The following ZNF804B variants were observed in gnomAD, a reference collection of about 807,000 sequenced individuals.
ZNF804B encodes zinc finger 804B.
Under a neutral mutation model 101.4 loss-of-function variants are expected in ZNF804B, and 80 were observed. That is an observed-to-expected ratio of 0.79 (90% CI 0.66 to 0.95). ZNF804B has a LOEUF of 0.95. Ranked by LOEUF, ZNF804B falls within the 40% of genes least tolerant of loss-of-function variation. The pLI is 0.00. For missense variants in ZNF804B, 1,673 were observed against 1,561.9 expected (o/e 1.07, Z -1.20); for synonymous variants, 622 against 558.8 (o/e 1.11, Z -1.59).
intron 1 of ZNF804B, among the ~76,000 whole-genome samples, chr7:88,843,209 T>G (rs1469955369): frequency 2.0e-5 from 3 of 152,130 alleles, no homozygotes; most frequent in African/African-American, 4.8e-5. Context: ...CATCATTCAC[T>G]CAGTTATTGT....
At chr7:89,192,692 A>C (rs1218146391) in intron 1 of ZNF804B, among the ~76,000 whole-genome samples, 2 of 152,034 alleles carry the variant, frequency 1.3e-5, no homozygotes, top group East Asian at 3.9e-4. Flanking sequence ...TAGCAGGGAC[A>C]CAACAAAAAA....
intron 2 of ZNF804B, among the ~76,000 whole-genome samples, chr7:89,224,375 G>T (rs879753928): frequency 6.6e-6 from 1 of 151,888 alleles, no homozygotes; most frequent in Non-Finnish European, 1.5e-5. Context: ...ATCTCTACTT[G>T]CTCTGGATAA....
chr7:88,955,895 C>CA (rs748009457), intron 1 of ZNF804B, among the ~76,000 whole-genome samples: 12 of 148,666 alleles, frequency 8.1e-5, no homozygotes, highest in South Asian at 2.1e-4. Context: ...AACTCAAAGG[C>CA]AAAAAAAAAT....
intron 1 of ZNF804B, among the ~76,000 whole-genome samples, chr7:88,957,302 A>G (rs1477727895): frequency 1.3e-5 from 2 of 151,432 alleles, no homozygotes; most frequent in Admixed American, 6.6e-5. Flanking sequence ...GATACTTAAG[A>G]AACCTTGGAT....
At chr7:89,167,793 A>C (rs1791166375) in intron 1 of ZNF804B, among the ~76,000 whole-genome samples, 1 of 152,144 alleles carries the variant, frequency 6.6e-6, no homozygotes, top group Non-Finnish European at 1.5e-5. Flanking sequence ...GAGAGGTCCA[A>C]ATGGTGATTG....
At chr7:88,988,397 G>T (rs532055055) in intron 1 of ZNF804B, among the ~76,000 whole-genome samples, 1 of 152,054 alleles carries the variant, frequency 6.6e-6, no homozygotes, top group East Asian at 1.9e-4. Context: ...GAGATGTGCT[G>T]CTCTATTTTG....
intron 1 of ZNF804B, among the ~76,000 whole-genome samples, chr7:88,879,324 T>TA (rs546972679): frequency 2.0e-3 from 299 of 151,812 alleles, no homozygotes; most frequent in Admixed American, 3.6e-3. Flanking sequence ...TGCTGGGGAG[T>TA]AAAAAAAATC....
intron 1 of ZNF804B, among the ~76,000 whole-genome samples, chr7:89,120,296 A>G (rs1314686278): frequency 2.6e-5 from 4 of 151,552 alleles, no homozygotes; most frequent in Non-Finnish European, 5.9e-5. Flanking sequence ...CTAAAAAACA[A>G]AGAAAGAAAA....
At chr7:88,870,671 C>T (rs919112007) in intron 1 of ZNF804B, among the ~76,000 whole-genome samples, 26 of 152,098 alleles carry the variant, frequency 1.7e-4, no homozygotes, top group Non-Finnish European at 3.2e-4. Context: ...CCTTATAGTA[C>T]AGAAAAAGGT....
At chr7:89,161,561 G>A (rs1791063944) in intron 1 of ZNF804B, among the ~76,000 whole-genome samples, 1 of 151,860 alleles carries the variant, frequency 6.6e-6, no homozygotes, top group Admixed American at 6.6e-5. Flanking sequence ...CATTTTATAT[G>A]TATCTTTTAC....
At chr7:89,099,207 G>C (rs1458370487) in intron 1 of ZNF804B, among the ~76,000 whole-genome samples, 1 of 151,920 alleles carries the variant, frequency 6.6e-6, no homozygotes, top group Non-Finnish European at 1.5e-5. Flanking sequence ...CCTCCAGAAG[G>C]TGAGATTACA....
chr7:88,975,607 T>A (rs1361826614), intron 1 of ZNF804B, among the ~76,000 whole-genome samples: 1 of 151,570 alleles, frequency 6.6e-6, no homozygotes, highest in Non-Finnish European at 1.5e-5. Flanking sequence ...CATTGCCCAT[T>A]CTTAATCAGA....
chr7:88,955,435 G>C (rs2116078189), intron 1 of ZNF804B, among the ~76,000 whole-genome samples: 1 of 151,656 alleles, frequency 6.6e-6, no homozygotes, highest in Admixed American at 6.6e-5. Context: ...CTATCTAGCT[G>C]GAAAAGCAAG....
Position 88,806,964 on chromosome 7 carries a change from G to A in ZNF804B, c.108+46880G>A, listed in dbSNP as rs114432600. Among the ~76,000 whole-genome samples the A allele has an allele frequency of 7.4e-3, 1,132 of 152,086 alleles. 14 individuals are homozygous for A. Among genetic ancestry groups the A allele is most frequent in the African/African-American group, 0.026 (1,068 of 41,488 alleles). ...TCTTAAAAAAAGGAAAATTCTTCAC[G>A]GTCATATTATTATATTGGAATTCAA... is the stretch of plus-strand genomic sequence containing the variant. On this transcript the variant is annotated intron_variant, in intron 1 of 3. Coordinates refer to ENST00000333190, the MANE Select transcript of ZNF804B (RefSeq NM_181646.5).
chr7:89,201,641 A>G (rs1422561742), intron 1 of ZNF804B, among the ~76,000 whole-genome samples: 1 of 152,080 alleles, frequency 6.6e-6, no homozygotes, highest in Non-Finnish European at 1.5e-5. Context: ...GACCAGCTGT[A>G]ATAAAAGAGA....
intron 1 of ZNF804B, among the ~76,000 whole-genome samples, chr7:89,209,283 C>T (rs1051584951): frequency 6.6e-6 from 1 of 151,602 alleles, no homozygotes; most frequent in African/African-American, 2.4e-5. Flanking sequence ...TTAATGTGGG[C>T]ATCTTTGATG....
rs1157531897 is a variant in ZNF804B, at chr7:89,333,510, C to A, written c.528C>A (p.Ile176=). ...LLLKGKNLPR[I]ISDKQRSTMP... ...TTAAAGGAAAAAATCTCCCCAGAAT[C>A]ATATCCGATAAACAGCGGTCCACCA... Residue 176 remains isoleucine (I), a synonymous_variant, in exon 4 of 4, where the codon ATC becomes ATA. Coordinates refer to ENST00000333190, the MANE Select transcript of ZNF804B (RefSeq NM_181646.5). 1 of 1,613,318 alleles carries A rather than the reference C, an allele frequency of 6.2e-7. No individual in the cohort carries two copies. Among genetic ancestry groups the A allele is most frequent in the Non-Finnish European group, 8.5e-7 (1 of 1,179,624 alleles).
intron 1 of ZNF804B, among the ~76,000 whole-genome samples, chr7:89,101,730 C>T (rs867264743): frequency 2.0e-5 from 3 of 151,698 alleles, no homozygotes; most frequent in African/African-American, 4.8e-5. Flanking sequence ...GTTTTAGATT[C>T]GGGGATACAA....
At chr7:88,794,146 C>G (rs1340051776) in intron 1 of ZNF804B, 1 of 1,540,398 alleles carries the variant, frequency 6.5e-7, no homozygotes, top group Admixed American at 2.0e-5. Flanking sequence ...AGCACAAACT[C>G]CTTAAGAGAC....
Sources: gnomAD v4.1 joint callset for allele counts (sites outside exome capture counted in the v4.1 genomes callset) on GRCh38, gnomAD v4.1.1 for gene constraint, MANE v1.5 for transcripts, NCBI Gene and HGNC (gene_info 2026-07-23, HGNC 2026-07-21) for gene names.